NCAPH2: variants seen among roughly 807,000 people sequenced by gnomAD.
NCAPH2 encodes the protein non-SMC condensin II complex subunit H2.
NCAPH2 carries 56 observed loss-of-function variants against 88.6 expected under a neutral mutation model. The ratio of observed to expected loss-of-function variants is 0.63; its 90% CI spans 0.51 to 0.79. The LOEUF is 0.79. Among genes scored for constraint, NCAPH2 ranks in the 30% least tolerant of loss-of-function variants. The pLI is 0.00. For missense variants in NCAPH2, 794 were observed against 792.0 expected (o/e 1.00, Z -0.03); for synonymous variants, 378 against 313.6 (o/e 1.21, Z -2.17).
intron 10 of NCAPH2, 124 bp from the exon 11 acceptor site, chr22:50,521,419 T>C (rs1465670370): frequency 6.1e-6 from 6 of 987,038 alleles, no homozygotes; most frequent in Non-Finnish European, 9.5e-6. Flanking sequence ...ACTCCTCCTT[T>C]GGGAGCGCGG....
In NCAPH2 at chr22:50,521,524, T is replaced by C. The variant is rs757768025; in HGVS notation, c.934-19T>C. 6.8e-6 allele frequency: 11 copies of C among 1,613,168 alleles called. No individual in the cohort carries two copies. In the East Asian group the frequency reaches 1.3e-4, roughly 20 times the overall value. On this transcript the variant is annotated intron_variant, in intron 10 of 19. Transcript: ENST00000420993. ...TGCACCCCCTACTTCTCCAGCGCCT[T>C]CTTGTGCTCTGTGCCCAGGAGACTC...
intron 1 of NCAPH2, among the ~76,000 whole-genome samples, chr22:50,509,305 A>G (rs1288633595): frequency 1.3e-5 from 2 of 152,212 alleles, no homozygotes; most frequent in African/African-American, 4.8e-5. Flanking sequence ...AATCTACTTT[A>G]CATATCCAGC....
chr22:50,522,941 G>T lies in NCAPH2; in HGVS notation c.1527+19G>T. 6.2e-7 allele frequency: 1 copy of T among 1,612,398 alleles called. No homozygotes were observed. Among genetic ancestry groups the T allele is most frequent in the East Asian group, 2.2e-5 (1 of 44,870 alleles). On this transcript the variant is annotated intron_variant, in intron 18 of 19. Coordinates refer to ENST00000420993, the MANE Select transcript of NCAPH2 (RefSeq NM_152299.4). ...GGAGCAGGTGAGGCGGGGCCGCTGG[G>T]AACCAGAGCTGTGTGCCACGGGTCT... is the stretch of plus-strand genomic sequence containing the variant.
At chr22:50,517,378 G>A (rs905140475) in intron 2 of NCAPH2, 49 bp from the exon 3 acceptor site, 2 of 1,600,208 alleles carry the variant, frequency 1.2e-6, no homozygotes, top group Non-Finnish European at 1.7e-6. Flanking sequence ...AAGGCCTTGG[G>A]GGTGGGCCCC....
In NCAPH2 at chr22:50,520,535, T is replaced by G. The variant is rs2069057078; in HGVS notation, c.862-430T>G. 5.8e-5 allele frequency: 9 copies of G among 154,860 alleles called. No homozygotes were observed. In the South Asian group the frequency reaches 1.7e-3, roughly 29 times the overall value. The allele number at this position is 154,860 out of a possible 1,614,324, so 9.6% of individuals were successfully genotyped here. ...TCTCAAAGCACTGGGATTATAGGCGTGAGCCACTGTGTCCGGTCCCTGTAG... is the reference window on the plus strand; with the variant it reads ...TCTCAAAGCACTGGGATTATAGGCGGGAGCCACTGTGTCCGGTCCCTGTAG... On this transcript the variant is annotated intron_variant, in intron 9 of 19. Coordinates refer to ENST00000420993, the MANE Select transcript of NCAPH2 (RefSeq NM_152299.4).
At chr22:50,516,895 C>T (rs1279940325) in intron 2 of NCAPH2, among the ~76,000 whole-genome samples, 1 of 152,186 alleles carries the variant, frequency 6.6e-6, no homozygotes, top group Non-Finnish European at 1.5e-5. Flanking sequence ...AGTCCACAAC[C>T]ACCACCCTCA....
At position 50,516,462 on chromosome 22, in the gene NCAPH2, A is replaced by AT; in HGVS notation, c.127dup (p.Ser43PhefsTer3). ...TTTCTTGCAGCTGGATCAGATCTGC[A>AT]TTTCTTTTGACGAAGGCAAGACCAC... On this transcript the variant is annotated frameshift_variant, in exon 2 of 20. Transcript: ENST00000420993. LOFTEE classifies it high-confidence loss of function. 6.2e-7 allele frequency: 1 copy of AT among 1,614,138 alleles called. No homozygotes were observed. The highest frequency in any genetic ancestry group is 8.5e-7 in the Non-Finnish European group (1 of 1,180,004).
chr22:50,524,417 T>C lies in NCAPH2; in HGVS notation c.*1042T>C. 2.5e-6 allele frequency: 4 copies of C among 1,608,284 alleles called. No individual in the cohort carries two copies. Among genetic ancestry groups the C allele is most frequent in the Admixed American group, 1.7e-5 (1 of 59,990 alleles). ...CTCCGAGTCAGCAGCAGCATGGATCTGATGCTCCTGGAAACAAGCACAGGC... is the reference window on the plus strand; with the variant it reads ...CTCCGAGTCAGCAGCAGCATGGATCCGATGCTCCTGGAAACAAGCACAGGC... On this transcript the variant is annotated 3_prime_UTR_variant, in exon 20 of 20. Transcript: ENST00000420993.
intron 1 of NCAPH2, among the ~76,000 whole-genome samples, chr22:50,515,125 G>A (rs1249140735): frequency 6.6e-6 from 1 of 152,224 alleles, no homozygotes; most frequent in Non-Finnish European, 1.5e-5. Context: ...TAAGGGACAC[G>A]ATCACACTAA....
intron 1 of NCAPH2, among the ~76,000 whole-genome samples, chr22:50,514,945 G>A (rs2068875111): frequency 6.6e-6 from 1 of 152,234 alleles, no homozygotes; most frequent in Non-Finnish European, 1.5e-5. Context: ...GACGTGTCCA[G>A]TCTCTGCTAG....
In NCAPH2 at chr22:50,523,675, G is replaced by C. The variant is rs139003628; in HGVS notation, c.*300G>C. The C allele has an allele frequency of 2.2e-5, 36 of 1,613,976 alleles. No homozygotes were observed. Among genetic ancestry groups the C allele is most frequent in the Non-Finnish European group, 2.9e-5 (34 of 1,180,022 alleles). On this transcript the variant is annotated 3_prime_UTR_variant, in exon 20 of 20. Transcript: ENST00000420993. ...CACACTGTCTGAGATCTGCTCAGCC[G>C]ATCTGCTCCGGCCGTAGTAATCCGT...
At chr22:50,515,715 T>TTTA in intron 1 of NCAPH2, 2 of 1,255,344 alleles carry the variant, frequency 1.6e-6, no homozygotes, top group African/African-American at 1.6e-5. Flanking sequence ...TTTTTTTTTT[T>TTTA]AAAGTGTCAT....
Position 50,523,405 on chromosome 22 carries a change from A to G in NCAPH2, c.*30A>G. On this transcript the variant is annotated 3_prime_UTR_variant, in exon 20 of 20. Coordinates refer to ENST00000420993, the MANE Select transcript of NCAPH2 (RefSeq NM_152299.4). ...GGAGCACCGAGGCAGGGGTGGGGGA[A>G]TGTGTACTGAGGAGCCGTGTGTCTG... 2 of 1,531,074 alleles carry G rather than the reference A, an allele frequency of 1.3e-6. No individual in the cohort carries two copies. The highest frequency in any genetic ancestry group is 1.8e-6 in the Non-Finnish European group (2 of 1,137,978). 94.8% of individuals were successfully genotyped at this position (1,531,074 alleles called of 1,614,324 possible). A position where few individuals can be genotyped will look rare whatever the true frequency, so the allele number is the denominator to read the frequency against.
At position 50,522,215 on chromosome 22, in the gene NCAPH2, G is replaced by A. The variant is rs781507005; in HGVS notation, c.1197G>A (p.Glu399=). ...TCCTGTACTGGACACACGTGAAGGA[G>A]CAGTTGGAAACTCTCCGGAAGCTGC... is the stretch of plus-strand genomic sequence containing the variant. ...MEVLYWTHVK[E]QLETLRKLQR... The change falls in exon 14 of 20, where the codon GAG becomes GAA. Residue 399 remains glutamate, a synonymous_variant. Coordinates refer to ENST00000420993, the MANE Select transcript of NCAPH2 (RefSeq NM_152299.4). 2 of 1,613,906 alleles carry A rather than the reference G, an allele frequency of 1.2e-6. No homozygotes were observed. Among genetic ancestry groups the A allele is most frequent in the South Asian group, 2.2e-5 (2 of 91,048 alleles).
intron 1 of NCAPH2, among the ~76,000 whole-genome samples, chr22:50,514,175 C>T (rs527638476): frequency 8.5e-5 from 13 of 152,172 alleles, no homozygotes; most frequent in African/African-American, 3.1e-4. Context: ...GGGCAGGCAG[C>T]TGGAGAGGGA....
In NCAPH2 at chr22:50,524,358, C is replaced by T. The variant is rs2069234155; in HGVS notation, c.*983C>T. ...CCAGGGTCCCAGGGAGGACCCGAGG[C>T]TTGAGCTGAGAGAGCCTGTGCCAAG... On this transcript the variant is annotated 3_prime_UTR_variant, in exon 20 of 20. Transcript: ENST00000420993. The T allele has an allele frequency of 1.2e-6, 2 of 1,602,130 alleles. No individual in the cohort carries two copies. The highest frequency in any genetic ancestry group is 8.5e-7 in the Non-Finnish European group (1 of 1,179,934).
At chr22:50,514,905 A>C (rs2068874231) in intron 1 of NCAPH2, among the ~76,000 whole-genome samples, 1 of 152,218 alleles carries the variant, frequency 6.6e-6, no homozygotes, top group African/African-American at 2.4e-5. Context: ...TGCTTTGGCC[A>C]TGTTTAGATC....
intron 1 of NCAPH2, among the ~76,000 whole-genome samples, chr22:50,513,265 T>A: frequency 6.6e-6 from 1 of 152,244 alleles, no homozygotes; most frequent in African/African-American, 2.4e-5. Flanking sequence ...ACGCCTGTGA[T>A]CCCAGCACTT....
rs749654643 is a variant in NCAPH2 at position 50,517,444 on chromosome 22, A to G, written c.228A>G (p.Ser76=). Residue 76 remains serine (S), a synonymous_variant, in exon 3 of 20, where the codon TCA becomes TCG. Coordinates refer to ENST00000420993, the MANE Select transcript of NCAPH2 (RefSeq NM_152299.4). ...GTCACCAGGTGGAATACCTCTACTCACTCGTCTACCAGGCCCTTGATTTCA... is the reference window on the plus strand; with the variant it reads ...GTCACCAGGTGGAATACCTCTACTCGCTCGTCTACCAGGCCCTTGATTTCA... ...VYSKKVEYLY[S]LVYQALDFIS... 13 of 1,613,540 alleles carry G rather than the reference A, an allele frequency of 8.1e-6. No homozygotes were observed. Among genetic ancestry groups the G allele is most frequent in the Non-Finnish European group, 1.1e-5 (13 of 1,179,914 alleles).
Sources: gnomAD v4.1 joint callset for allele counts (sites outside exome capture counted in the v4.1 genomes callset) on GRCh38, gnomAD v4.1.1 for gene constraint, MANE v1.5 for transcripts, NCBI Gene and HGNC (gene_info 2026-07-23, HGNC 2026-07-21) for gene names.